PKHD1: variants seen among roughly 807,000 people sequenced by gnomAD.
The protein encoded by PKHD1 is fibrocystin.
In PKHD1, 291 loss-of-function variants were observed where a neutral mutation model predicts 412.0. That is an observed-to-expected ratio of 0.71 (90% confidence interval 0.64 to 0.78). PKHD1 has a LOEUF of 0.78. PKHD1 is among the 30% of genes least tolerant of loss of function. The pLI, the probability that PKHD1 is intolerant of heterozygous loss-of-function variation, is 0.00. For missense variants in PKHD1, 4,825 were observed against 4,950.7 expected (o/e 0.97, Z 0.76); for synonymous variants, 1,777 against 1,821.5 (o/e 0.98, Z 0.62).
chr6:51,781,040 T>C lies in PKHD1; in HGVS notation c.8441-5119A>G, dbSNP rs562124039. On this transcript the variant is annotated intron_variant, in intron 53 of 66. Transcript: ENST00000371117. ...TCCTCAGAAGTGGGTTAAATGGTGT[T>C]TACTTTGGAAGTTGAGCTTCTACCC... Among the ~76,000 whole-genome samples the C allele has an allele frequency of 4.9e-4, 75 of 152,290 alleles. 2 individuals are homozygous for C. The South Asian group carries it at 0.015, about 31-fold the overall frequency.
chr6:52,054,136 G>A lies in PKHD1; in HGVS notation c.1866C>T (p.Asn622=). Residue 622 remains asparagine, a synonymous_variant, in exon 20 of 67, where the codon AAC becomes AAT. Coordinates refer to ENST00000371117, the MANE Select transcript of PKHD1 (RefSeq NM_138694.4). The stretch of plus-strand genomic sequence containing the variant: ...AGGACACAATCATCTTCAGGATCTT[G>A]TTCATGTGGCCTTTGTATGCAAGAC... The part of the protein sequence containing the change: ...HLCLAYKGHM[N]KILKMIVSFT... The A allele has an allele frequency of 6.2e-7, 1 of 1,613,830 alleles. No individual in the cohort carries two copies. Among genetic ancestry groups the A allele is most frequent in the Non-Finnish European group, 8.5e-7 (1 of 1,179,724 alleles).
At chr6:51,981,636 C>A (rs1235596463) in intron 35 of PKHD1, among the ~76,000 whole-genome samples, 2 of 136,392 alleles carry the variant, frequency 1.5e-5, no homozygotes, top group Non-Finnish European at 1.7e-5. Flanking sequence ...GGTGCCCAGG[C>A]TGGAGTGCAG....
chr6:51,732,801 A>G (rs1413866560), intron 60 of PKHD1, among the ~76,000 whole-genome samples: 1 of 152,228 alleles, frequency 6.6e-6, no homozygotes, highest in Non-Finnish European at 1.5e-5. Context: ...ACCCAATAGA[A>G]TTGAAAGTAG....
chr6:51,654,504 T>A (rs549723631), intron 61 of PKHD1, among the ~76,000 whole-genome samples: 1 of 152,228 alleles, frequency 6.6e-6, no homozygotes, highest in East Asian at 1.9e-4. Flanking sequence ...ACCTATGAGT[T>A]CACTATGTGT....
At chr6:52,073,424 T>C (rs771654051) in intron 7 of PKHD1, 39 bp downstream of exon 7, 2 of 1,215,208 alleles carry the variant, frequency 1.6e-6, no homozygotes, top group Non-Finnish European at 2.5e-6. Flanking sequence ...ATGCAGCATG[T>C]ATGTAACTAG....
intron 33 of PKHD1, among the ~76,000 whole-genome samples, chr6:52,020,613 G>C (rs1216471518): frequency 6.6e-6 from 1 of 152,156 alleles, no homozygotes; most frequent in East Asian, 1.9e-4. Flanking sequence ...CTGCCATAGA[G>C]GAACTAAGAA....
rs1554220680 is a variant in PKHD1 at position 51,753,266 on chromosome 6, T to C, written c.8885A>G (p.Asp2962Gly). The C allele has an allele frequency of 1.2e-6, 2 of 1,613,792 alleles. No homozygotes were observed. Among genetic ancestry groups the C allele is most frequent in the Admixed American group, 1.7e-5 (1 of 59,984 alleles). The change falls in exon 57 of 67, where the codon GAC (aspartate) becomes GGC (glycine). Residue 2962 changes from aspartate (D) to glycine (G), a missense_variant. Asp to Gly is a moderately conservative substitution (Grantham distance 94, BLOSUM62 -1). Coordinates refer to ENST00000371117, the MANE Select transcript of PKHD1 (RefSeq NM_138694.4). ...AAACAGTCTCCCCCTACATGATACGTCAGGCTGAATTTGTATATTTCGGGT... is the reference window on the plus strand; with the variant it reads ...AAACAGTCTCCCCCTACATGATACGCCAGGCTGAATTTGTATATTTCGGGT... Reference protein sequence around the residue: ...LLTRNIQIQPDVSCRGRLFVG... With the variant: ...LLTRNIQIQPGVSCRGRLFVG...
chr6:51,890,153 C>G (rs1281699521), intron 43 of PKHD1, among the ~76,000 whole-genome samples: 1 of 152,018 alleles, frequency 6.6e-6, no homozygotes, highest in Non-Finnish European at 1.5e-5. Flanking sequence ...ATTATTATTA[C>G]AGTTTCATAG....
chr6:51,711,734 G>T (rs1780683940), intron 60 of PKHD1, among the ~76,000 whole-genome samples: 1 of 152,136 alleles, frequency 6.6e-6, no homozygotes, highest in Admixed American at 6.6e-5. Context: ...TAACATTTGA[G>T]GTTCTGGTAT....
chr6:51,905,587 A>G (rs566531573), intron 41 of PKHD1, among the ~76,000 whole-genome samples: 1 of 152,314 alleles, frequency 6.6e-6, no homozygotes, highest in East Asian at 1.9e-4. Flanking sequence ...GAAAAAAAAC[A>G]AGACAAGTTT....
intron 21 of PKHD1, 124 bp downstream of exon 21, chr6:52,052,952 G>A (rs974164691): frequency 2.4e-6 from 2 of 834,058 alleles, no homozygotes; most frequent in African/African-American, 1.7e-5. Flanking sequence ...GTTTTCTAGA[G>A]CCAAGGCAGG....
chr6:51,934,086 C>T (rs755802609), intron 37 of PKHD1, 24 bp downstream of exon 37: 1 of 1,547,528 alleles, frequency 6.5e-7, no homozygotes, highest in South Asian at 1.1e-5. Flanking sequence ...TACTTCATTT[C>T]CTCTGATCAA....
At chr6:51,998,056 C>A (rs62406007) in intron 35 of PKHD1, among the ~76,000 whole-genome samples, 1 of 152,274 alleles carries the variant, frequency 6.6e-6, no homozygotes, top group South Asian at 2.1e-4. Context: ...CTAGATTGCA[C>A]GTGGCGATAA....
At chr6:51,655,225 A>T (rs1337602261) in intron 61 of PKHD1, among the ~76,000 whole-genome samples, 2 of 152,088 alleles carry the variant, frequency 1.3e-5, no homozygotes, top group Admixed American at 6.6e-5. Context: ...AAAAGAACAT[A>T]CTTCCTTGCT....
chr6:51,982,752 T>C (rs1795636075), intron 35 of PKHD1, among the ~76,000 whole-genome samples: 1 of 140,634 alleles, frequency 7.1e-6, no homozygotes, highest in Non-Finnish European at 1.5e-5. Context: ...CCTCCACTAT[T>C]GTCCTATGAC....
At chr6:51,799,823 T>C (rs1762632794) in intron 52 of PKHD1, among the ~76,000 whole-genome samples, 1 of 152,218 alleles carries the variant, frequency 6.6e-6, no homozygotes, top group African/African-American at 2.4e-5. Flanking sequence ...TTACTCAAGA[T>C]ATTTCAGAGC....
At chr6:51,789,216 C>T (rs1304162443) in intron 53 of PKHD1, among the ~76,000 whole-genome samples, 1 of 152,122 alleles carries the variant, frequency 6.6e-6, no homozygotes, top group Non-Finnish European at 1.5e-5. Flanking sequence ...AATTTGGCAG[C>T]ATGTATTAAA....
rs1327841755 is a variant in PKHD1, at chr6:51,960,053, G to A, written c.5752-27C>T. On this transcript the variant is annotated intron_variant, in intron 35 of 66. Transcript: ENST00000371117. ...TGGAAAACAGAGAGCTGGGTTGGTG[G>A]GTTGGTTGGTTGGTTGGCTGGTCTG... The A allele has an allele frequency of 2.5e-6, 4 of 1,608,210 alleles. No individual in the cohort carries two copies. In the Admixed American group the frequency reaches 5.0e-5, roughly 20 times the overall value.
intron 60 of PKHD1, among the ~76,000 whole-genome samples, chr6:51,678,377 T>G (rs1460009321): frequency 2.6e-5 from 4 of 152,174 alleles, no homozygotes; most frequent in African/African-American, 9.6e-5. Context: ...TTCCTATAAT[T>G]TTAAAAAGAG....
Sources: gnomAD v4.1 joint callset for allele counts (sites outside exome capture counted in the v4.1 genomes callset) on GRCh38, gnomAD v4.1.1 for gene constraint, MANE v1.5 for transcripts, NCBI Gene and HGNC (gene_info 2026-07-23, HGNC 2026-07-21) for gene names.